LRP1B: variants seen among roughly 807,000 people sequenced by gnomAD.
LRP1B encodes low-density lipoprotein receptor-related protein 1B.
In LRP1B, 217 loss-of-function variants were observed where a neutral mutation model predicts 556.6. That is an observed-to-expected ratio of 0.39 (90% confidence interval 0.35 to 0.44). LRP1B has a LOEUF of 0.44. Ranked by LOEUF, LRP1B falls within the 20% of genes least tolerant of loss-of-function variation. The pLI is 1.00. For missense variants in LRP1B, 5,053 were observed against 5,620.8 expected (o/e 0.90, Z 3.23); for synonymous variants, 2,047 against 1,865.8 (o/e 1.10, Z -2.50).
intron 3 of LRP1B, among the ~76,000 whole-genome samples, chr2:141,458,544 T>C (rs17613427): frequency 0.034 from 5,143 of 152,186 alleles, 141 homozygotes; most frequent in Non-Finnish European, 0.047. Context: ...ACGGTACCTA[T>C]CCAAAGCAAA....
chr2:141,465,083 C>CTTGACTTATTTAATGT (rs1682129481), intron 3 of LRP1B, among the ~76,000 whole-genome samples: 1 of 151,476 alleles, frequency 6.6e-6, no homozygotes, highest in African/African-American at 2.4e-5. Flanking sequence ...TGTAGCTTGG[C>CTTGACTTATTTAATGT]AGTCTCAATA....
chr2:140,580,027 A>G (rs908756342), intron 43 of LRP1B, among the ~76,000 whole-genome samples: 2 of 152,088 alleles, frequency 1.3e-5, no homozygotes, highest in African/African-American at 4.8e-5. Context: ...CTAACCCACC[A>G]CCCACTTGGA....
At chr2:141,051,019 C>T (rs758994555) in intron 10 of LRP1B, among the ~76,000 whole-genome samples, 22 of 151,938 alleles carry the variant, frequency 1.4e-4, no homozygotes, top group Non-Finnish European at 2.8e-4. Context: ...CCAACAAACA[C>T]GAATAAAAGC....
At chr2:141,429,008 C>T (rs1179027669) in intron 3 of LRP1B, among the ~76,000 whole-genome samples, 1 of 152,190 alleles carries the variant, frequency 6.6e-6, no homozygotes, top group African/African-American at 2.4e-5. Context: ...GCAGGTCCCA[C>T]TGATGCACTG....
At chr2:141,138,823 C>T (rs1441155196) in intron 7 of LRP1B, among the ~76,000 whole-genome samples, 1 of 151,802 alleles carries the variant, frequency 6.6e-6, no homozygotes, top group East Asian at 1.9e-4. Context: ...GAAATATCCT[C>T]TAAAGTCGGT....
At chr2:141,777,095 T>C (rs1695104426) in intron 2 of LRP1B, among the ~76,000 whole-genome samples, 1 of 152,034 alleles carries the variant, frequency 6.6e-6, no homozygotes. Flanking sequence ...ACAACAAGAG[T>C]GAAAGCTGAC....
intron 18 of LRP1B, among the ~76,000 whole-genome samples, chr2:140,980,792 A>G (rs1696746597): frequency 6.6e-6 from 1 of 152,220 alleles, no homozygotes; most frequent in Non-Finnish European, 1.5e-5. Context: ...ACATGCACAC[A>G]CATGTTTAGA....
chr2:141,202,022 C>T (rs1408938083), intron 6 of LRP1B, among the ~76,000 whole-genome samples: 2 of 151,770 alleles, frequency 1.3e-5, no homozygotes, highest in Non-Finnish European at 2.9e-5. Context: ...CACAGGTAAA[C>T]ATATGCCATG....
intron 15 of LRP1B, among the ~76,000 whole-genome samples, chr2:141,004,903 A>T (rs1382317454): frequency 5.3e-5 from 8 of 152,010 alleles, no homozygotes; most frequent in Admixed American, 5.3e-4. Flanking sequence ...ATAGTCTGTA[A>T]ATTCTTTACA....
chr2:141,232,282 G>T (rs1683499968), intron 5 of LRP1B, among the ~76,000 whole-genome samples: 1 of 152,170 alleles, frequency 6.6e-6, no homozygotes, highest in Admixed American at 6.5e-5. Flanking sequence ...TTAGATGGGT[G>T]TGTTATCAGG....
rs569042238 is a variant in LRP1B at position 140,957,794 on chromosome 2, T to C, written c.2888-5854A>G. ...GTCAATCTGGGACAGGAGAGAATTC[T>C]CTAGTTCTACAAAAGATGCCAACAT... On this transcript the variant is annotated intron_variant, in intron 18 of 90. Transcript: ENST00000389484. Among the ~76,000 whole-genome samples, 18 of 151,590 alleles carry C rather than the reference T, an allele frequency of 1.2e-4. 1 individual carries two copies. The Middle Eastern group carries it at 0.014, about 115-fold the overall frequency.
In LRP1B at chr2:141,386,244, T is replaced by A. The variant is rs138380244; in HGVS notation, c.343+94152A>T. On this transcript the variant is annotated intron_variant, in intron 3 of 90. Transcript: ENST00000389484. ...TTATGCACATGCAAATACTTTAAAA[T>A]CCCCCCCAAAAATCCAAAATCCAAA... 5.0e-3 allele frequency among the ~76,000 whole-genome samples: 757 copies of A among 151,872 alleles called. 9 individuals carry two copies. Among genetic ancestry groups the A allele is most frequent in the African/African-American group, 0.018 (730 of 41,438 alleles).
chr2:140,724,076 C>T (rs1176812297), intron 35 of LRP1B, among the ~76,000 whole-genome samples: 1 of 152,166 alleles, frequency 6.6e-6, no homozygotes, highest in Non-Finnish European at 1.5e-5. Flanking sequence ...ATCTAGGAGA[C>T]TTACTTTCCC....
chr2:140,421,553 TA>T lies in LRP1B; in HGVS notation c.10414+20950del, dbSNP rs1685445289. ...CTTTGTCTTAAAATACCATGTTATT[TA>T]AAAAAGTTTATTATTTGTCCCCTTC... On this transcript the variant is annotated intron_variant, in intron 66 of 90. Transcript: ENST00000389484. Among the ~76,000 whole-genome samples, 3 of 152,306 alleles carry T rather than the reference TA, an allele frequency of 2.0e-5. No homozygotes were observed. The South Asian group carries it at 6.2e-4, about 32-fold the overall frequency.
At chr2:140,291,033 G>A (rs989335403) in intron 84 of LRP1B, among the ~76,000 whole-genome samples, 2 of 151,744 alleles carry the variant, frequency 1.3e-5, no homozygotes, top group African/African-American at 2.4e-5. Context: ...TTTGTTGAAA[G>A]GATACATATT....
chr2:140,968,993 A>T (rs1314042241), intron 18 of LRP1B, among the ~76,000 whole-genome samples: 1 of 152,108 alleles, frequency 6.6e-6, no homozygotes, highest in Non-Finnish European at 1.5e-5. Flanking sequence ...GTGCTGAGAA[A>T]AATGTATGTT....
In LRP1B at chr2:140,598,685, T is replaced by C. The variant is rs1199832389; in HGVS notation, c.7140A>G (p.Ser2380=). The part of the protein sequence containing the change: ...IDYRAEKLYF[S]DGSLGKIERC... ...TTTCAATTTTTCCTAGACTGCCATC[T>C]GAGAAATACAGCTTCTCTGCACGGT... Residue 2380 remains serine (S), a synonymous_variant, in exon 43 of 91, where the codon TCA becomes TCG. Transcript: ENST00000389484. 1.2e-6 allele frequency: 2 copies of C among 1,613,696 alleles called. No homozygotes were observed. The highest frequency in any genetic ancestry group is 1.7e-6 in the Non-Finnish European group (2 of 1,179,834).
intron 3 of LRP1B, among the ~76,000 whole-genome samples, chr2:141,374,555 C>T (rs1413392714): frequency 6.6e-6 from 1 of 152,086 alleles, no homozygotes; most frequent in East Asian, 1.9e-4. Context: ...GTCTTGAAGG[C>T]TTCATTCATT....
chr2:140,779,718 T>C (rs1344902099), intron 32 of LRP1B, among the ~76,000 whole-genome samples: 11 of 111,774 alleles, frequency 9.8e-5, no homozygotes, highest in African/African-American at 3.8e-4. Flanking sequence ...AAAAAAAGTG[T>C]GTGTGTGTGT....
Sources: gnomAD v4.1 joint callset for allele counts (sites outside exome capture counted in the v4.1 genomes callset) on GRCh38, gnomAD v4.1.1 for gene constraint, MANE v1.5 for transcripts, NCBI Gene and HGNC (gene_info 2026-07-23, HGNC 2026-07-21) for gene names.